Variants in NET1 observed in about 807,000 individuals in gnomAD.
NET1 encodes neuroepithelial cell-transforming gene 1 protein.
In NET1, 42 loss-of-function variants were observed where a neutral mutation model predicts 61.1. The ratio of observed to expected loss-of-function variants is 0.69; its 90% confidence interval spans 0.54 to 0.89. The LOEUF is 0.89. Among genes scored for constraint, NET1 ranks in the 40% least tolerant of loss-of-function variants. The pLI, the probability that NET1 is intolerant of heterozygous loss-of-function variation, is 0.00. For missense variants in NET1, 654 were observed against 747.3 expected (o/e 0.88, Z 1.46); for synonymous variants, 254 against 281.8 (o/e 0.90, Z 0.99).
Position 5,452,231 on chromosome 10 carries a change from T to C in NET1, c.364-127T>C. The C allele has an allele frequency of 2.2e-6, 2 of 899,574 alleles. No homozygotes were observed. The highest frequency in any genetic ancestry group is 2.8e-5 in the East Asian group (1 of 36,062). 55.7% of individuals were successfully genotyped at this position (899,574 alleles called of 1,614,324 possible). On this transcript the variant is annotated intron_variant, in intron 4 of 11. Coordinates refer to ENST00000355029, the MANE Select transcript of NET1 (RefSeq NM_001047160.3). The surrounding 1 kb of genome is among the most constrained non-coding windows in gnomAD (Gnocchi z 4.0). ...ATTGGTAGGTGGAAACTTGGATAAA[T>C]TATTGTTTTCTGCATTGAGAAATTC...
chr10:5,454,282 C>T lies in NET1; in HGVS notation c.786C>T (p.Ala262=). 6.2e-7 allele frequency: 1 copy of T among 1,613,982 alleles called. No homozygotes were observed. Among genetic ancestry groups the T allele is most frequent in the Admixed American group, 1.7e-5 (1 of 59,988 alleles). The change falls in exon 9 of 12, where the codon GCC becomes GCT. Residue 262 remains alanine, a synonymous_variant. Coordinates refer to ENST00000355029, the MANE Select transcript of NET1 (RefSeq NM_001047160.3). The surrounding 1 kb of genome is among the most constrained non-coding windows in gnomAD (Gnocchi z 8.1). ...CTCTTCAGTTACCGCGCTTGAATGC[C>T]TACAGAGGTTACTGTAGTAACCAGC... is the stretch of plus-strand genomic sequence containing the variant. ...ILVSWLPRLN[A]YRGYCSNQLA...
rs545955911 is a variant in NET1, at chr10:5,429,922, A to T, written c.255+693A>T. Among the ~76,000 whole-genome samples, 150 of 152,294 alleles carry T rather than the reference A, an allele frequency of 9.8e-4. 1 individual carries two copies. Among genetic ancestry groups the T allele is most frequent in the Non-Finnish European group, 1.6e-3 (112 of 68,026 alleles). On this transcript the variant is annotated intron_variant, in intron 3 of 11. Transcript: ENST00000355029. ...TTGTACATTTTTAAATGTGATTTTT[A>T]AAAATGTTTCATATTATGTTTAACA...
At chr10:5,430,482 C>G (rs1429311616) in intron 3 of NET1, among the ~76,000 whole-genome samples, 1 of 150,580 alleles carries the variant, frequency 6.6e-6, no homozygotes, top group Non-Finnish European at 1.5e-5. Context: ...TCAAGAGATT[C>G]TCTTGCCTCA....
At chr10:5,448,101 GATTTTA>G (rs1202871286) in intron 3 of NET1, among the ~76,000 whole-genome samples, 1 of 152,030 alleles carries the variant, frequency 6.6e-6, no homozygotes, top group Non-Finnish European at 1.5e-5. Flanking sequence ...ATTTTCTTTT[GATTTTA>G]AAGTTTTGCT....
At position 5,437,851 on chromosome 10, in the gene NET1, A is replaced by G. The variant is rs1832463216; in HGVS notation, c.255+8622A>G. Among the ~76,000 whole-genome samples the G allele has an allele frequency of 6.6e-6, 1 of 152,188 alleles. No homozygotes were observed. The highest frequency in any genetic ancestry group is 6.5e-5 in the Admixed American group (1 of 15,274). On this transcript the variant is annotated intron_variant, in intron 3 of 11. Coordinates refer to ENST00000355029, the MANE Select transcript of NET1 (RefSeq NM_001047160.3). This position sits in a 1 kb window ranked among gnomAD's most constrained non-coding sequence, Gnocchi z 4.3. ...AACATTCCAGGATAGACGGTATGTCAGGCTGCAAAACAAGTCTTAATACAT... is the reference window on the plus strand; with the variant it reads ...AACATTCCAGGATAGACGGTATGTCGGGCTGCAAAACAAGTCTTAATACAT...
At position 5,443,933 on chromosome 10, in the gene NET1, C is replaced by G. The variant is rs138963454; in HGVS notation, c.256-7897C>G. Among the ~76,000 whole-genome samples the G allele has an allele frequency of 1.8e-3, 272 of 152,304 alleles. 1 individual carries two copies. In the Middle Eastern group the frequency reaches 0.02, roughly 11 times the overall value. ...TTCCTAACTCCCACTGCACATAATC[C>G]TTTATTCCCTTAGAAACTATGTGGC... On this transcript the variant is annotated intron_variant, in intron 3 of 11. Coordinates refer to ENST00000355029, the MANE Select transcript of NET1 (RefSeq NM_001047160.3). The surrounding 1 kb of genome is among the most constrained non-coding windows in gnomAD (Gnocchi z 4.8).
rs144365462 is a variant in NET1, at chr10:5,457,712, A to ATGTGTG, written c.*730_*735dup. 4.6e-5 allele frequency: 7 copies of ATGTGTG among 150,816 alleles called. No individual in the cohort carries two copies. Among genetic ancestry groups the ATGTGTG allele is most frequent in the Middle Eastern group, 3.4e-3 (1 of 290 alleles). 9.3% of individuals were successfully genotyped at this position (150,816 alleles called of 1,614,324 possible). On this transcript the variant is annotated 3_prime_UTR_variant, in exon 12 of 12. Coordinates refer to ENST00000355029, the MANE Select transcript of NET1 (RefSeq NM_001047160.3). This position sits in a 1 kb window ranked among gnomAD's most constrained non-coding sequence, Gnocchi z 5.4. ...TCTTCCTGATTAAAAATGTGTGTGT[A>ATGTGTG]TGTGTGTGTGTGTGTGTATATATAT...
Position 5,421,908 on chromosome 10 carries a change from G to A in NET1, c.129-4747G>A, listed in dbSNP as rs1467919087. Among the ~76,000 whole-genome samples the A allele has an allele frequency of 1.3e-5, 2 of 152,126 alleles. No homozygotes were observed. Among genetic ancestry groups the A allele is most frequent in the African/African-American group, 4.8e-5 (2 of 41,422 alleles). On this transcript the variant is annotated intron_variant, in intron 1 of 11. Transcript: ENST00000355029. The surrounding 1 kb of genome is among the most constrained non-coding windows in gnomAD (Gnocchi z 4.2). ...CTTCTGCCTTCTTTCACTTACATCA[G>A]TATTTCATTTTATTGCCAAACCATA...
In NET1 at chr10:5,443,783, G is replaced by C. The variant is rs1159537058; in HGVS notation, c.256-8047G>C. Among the ~76,000 whole-genome samples, 1 of 152,182 alleles carries C rather than the reference G, an allele frequency of 6.6e-6. No individual in the cohort carries two copies. The highest frequency in any genetic ancestry group is 1.5e-5 in the Non-Finnish European group (1 of 68,032). On this transcript the variant is annotated intron_variant, in intron 3 of 11. Coordinates refer to ENST00000355029, the MANE Select transcript of NET1 (RefSeq NM_001047160.3). The surrounding 1 kb of genome is among the most constrained non-coding windows in gnomAD (Gnocchi z 4.8). ...TCTACCTTTACCTCTTGGGTCCCCA[G>C]CTGAAGGAGAGAATGAAAGATACCC...
intron 1 of NET1, among the ~76,000 whole-genome samples, chr10:5,425,105 A>C (rs1832239190): frequency 1.3e-5 from 2 of 152,206 alleles, no homozygotes; most frequent in South Asian, 4.1e-4. Context: ...TCCAGAATGT[A>C]ACTCATTTCA....
chr10:5,455,980 G>T lies in NET1; in HGVS notation c.1198-107G>T. The T allele has an allele frequency of 8.6e-7, 1 of 1,164,018 alleles. No homozygotes were observed. Among genetic ancestry groups the T allele is most frequent in the Non-Finnish European group, 1.2e-6 (1 of 842,418 alleles). 72.1% of individuals were successfully genotyped at this position (1,164,018 alleles called of 1,614,324 possible). On this transcript the variant is annotated intron_variant, in intron 10 of 11. Coordinates refer to ENST00000355029, the MANE Select transcript of NET1 (RefSeq NM_001047160.3). The surrounding 1 kb of genome is among the most constrained non-coding windows in gnomAD (Gnocchi z 6.5). ...AGATTTGTCACTTAGAGAGATCTTC[G>T]AAAAATAAATCTGATGAAATTAATA...
At chr10:5,418,060 A>C (rs978434257) in intron 1 of NET1, among the ~76,000 whole-genome samples, 2 of 151,778 alleles carry the variant, frequency 1.3e-5, no homozygotes, top group Non-Finnish European at 2.9e-5. Context: ...TTTTGTTAAT[A>C]TTTTGTTGAA....
intron 3 of NET1, among the ~76,000 whole-genome samples, chr10:5,434,459 C>T (rs527592253): frequency 6.6e-6 from 1 of 152,226 alleles, no homozygotes; most frequent in South Asian, 2.1e-4. Flanking sequence ...CCTTCAGAGC[C>T]TTTCCCAGAT....
intron 3 of NET1, among the ~76,000 whole-genome samples, chr10:5,448,660 A>G (rs1226119599): frequency 8.3e-6 from 1 of 120,698 alleles, no homozygotes; most frequent in African/African-American, 3.2e-5. Flanking sequence ...GTTTATTCCC[A>G]TGGATTTTTG....
Position 5,415,043 on chromosome 10 carries a change from T to C in NET1, c.128+2223T>C, listed in dbSNP as rs534701690. ...TAACATATTCCTTTTCCAGAAAAGATGTAAGATCATCTACAAGAATACGTA... is the reference window on the plus strand; with the variant it reads ...TAACATATTCCTTTTCCAGAAAAGACGTAAGATCATCTACAAGAATACGTA... On this transcript the variant is annotated intron_variant, in intron 1 of 11. Transcript: ENST00000355029. The surrounding 1 kb of genome is among the most constrained non-coding windows in gnomAD (Gnocchi z 4.7). Among the ~76,000 whole-genome samples, 81 of 152,298 alleles carry C rather than the reference T, an allele frequency of 5.3e-4. No individual in the cohort carries two copies. The highest frequency in any genetic ancestry group is 1.9e-3 in the African/African-American group (78 of 41,566).
At position 5,422,663 on chromosome 10, in the gene NET1, A is replaced by G. The variant is rs1832195319; in HGVS notation, c.129-3992A>G. Among the ~76,000 whole-genome samples, 1 of 152,172 alleles carries G rather than the reference A, an allele frequency of 6.6e-6. No individual in the cohort carries two copies. The highest frequency in any genetic ancestry group is 1.5e-5 in the Non-Finnish European group (1 of 68,038). On this transcript the variant is annotated intron_variant, in intron 1 of 11. Transcript: ENST00000355029. This position sits in a 1 kb window ranked among gnomAD's most constrained non-coding sequence, Gnocchi z 4.1. ...GTTTCTAGATGCTCAACTGTGTTCT[A>G]GACAAGATATTCCAAGATGTATGTA...
rs1832521024 is a variant in NET1 at position 5,441,216 on chromosome 10, G to A, written c.256-10614G>A. Among the ~76,000 whole-genome samples, 1 of 152,222 alleles carries A rather than the reference G, an allele frequency of 6.6e-6. No individual in the cohort carries two copies. The highest frequency in any genetic ancestry group is 6.5e-5 in the Admixed American group (1 of 15,280). On this transcript the variant is annotated intron_variant, in intron 3 of 11. Transcript: ENST00000355029. This position sits in a 1 kb window ranked among gnomAD's most constrained non-coding sequence, Gnocchi z 4.6. ...TCTGTGCTCCGTTAGTCAACAAGTG[G>A]CCTTTCGGGTGTCCATCCCACACAC...
rs764269028 is a variant in NET1, at chr10:5,420,659, G to A, written c.129-5996G>A. 4.3e-4 allele frequency among the ~76,000 whole-genome samples: 65 copies of A among 152,162 alleles called. 1 individual carries two copies. The highest frequency in any genetic ancestry group is 6.8e-3 in the Middle Eastern group (2 of 294). On this transcript the variant is annotated intron_variant, in intron 1 of 11. Coordinates refer to ENST00000355029, the MANE Select transcript of NET1 (RefSeq NM_001047160.3). This position sits in a 1 kb window ranked among gnomAD's most constrained non-coding sequence, Gnocchi z 5.3. ...TCGCCAGGCTGGAGTGCAGTGGCGC[G>A]ATCTCGGCTCACTGTAGCCTCCGAC...
intron 3 of NET1, among the ~76,000 whole-genome samples, chr10:5,448,467 C>G (rs1832651981): frequency 6.6e-6 from 1 of 152,148 alleles, no homozygotes; most frequent in South Asian, 2.1e-4. Flanking sequence ...GACAGATTGC[C>G]TATAATAATG....
Sources: gnomAD v4.1 joint callset for allele counts (sites outside exome capture counted in the v4.1 genomes callset) on GRCh38, gnomAD v4.1.1 for gene constraint, Gnocchi (gnomAD v3.1) non-coding constraint, MANE v1.5 for transcripts, NCBI Gene and HGNC (gene_info 2026-07-23, HGNC 2026-07-21) for gene names.